The following ZBTB8B variants were observed in gnomAD, a reference collection of about 807,000 sequenced individuals.
The protein encoded by ZBTB8B is zinc finger and BTB domain containing 8B.
In ZBTB8B, 17 loss-of-function variants were observed where a neutral mutation model predicts 30.3. The ratio of observed to expected loss-of-function variants is 0.56; its 90% CI spans 0.38 to 0.84. ZBTB8B has a LOEUF of 0.84. Among genes scored for constraint, ZBTB8B ranks in the 40% least tolerant of loss-of-function variants. The probability of loss-of-function intolerance (pLI) is 0.00; values close to 1 mark genes in which losing one functional copy is unlikely to be tolerated. For synonymous variants in ZBTB8B, 248 were observed against 255.6 expected (o/e 0.97, Z 0.28); for missense variants, 515 against 644.9 (o/e 0.80, Z 2.18).
chr1:32,469,002 A>AAACATACC (rs1643595368), intron 1 of ZBTB8B, among the ~76,000 whole-genome samples: 1 of 152,012 alleles, frequency 6.6e-6, no homozygotes, highest in Non-Finnish European at 1.5e-5. Context: ...CCAGCCTAGG[A>AAACATACC]AACATACCAA....
rs1643800466 is a variant in ZBTB8B at position 32,494,202 on chromosome 1, AAAAAAG to A, written c.*8788_*8793del. The A allele has an allele frequency of 6.6e-6, 1 of 152,520 alleles. No homozygotes were observed. The highest frequency in any genetic ancestry group is 2.4e-5 in the African/African-American group (1 of 41,352). The allele number at this position is 152,520 out of a possible 1,614,324, so 9.4% of individuals were successfully genotyped here. On this transcript the variant is annotated 3_prime_UTR_variant, in exon 4 of 4. Coordinates refer to ENST00000609129, the MANE Select transcript of ZBTB8B (RefSeq NM_001145720.2). ...CCATCTCAAAAAAAAAAAAAAAAAA[AAAAAAG>A]AAATCAGGATACATATAGGACAGAA... is the stretch of plus-strand genomic sequence containing the variant.
At position 32,495,472 on chromosome 1, in the gene ZBTB8B, T is replaced by C. The variant is rs968594941; in HGVS notation, c.*10054T>C. 3.3e-5 allele frequency: 5 copies of C among 152,198 alleles called. No individual in the cohort carries two copies. The highest frequency in any genetic ancestry group is 1.2e-4 in the African/African-American group (5 of 41,532). 9.4% of individuals were successfully genotyped at this position (152,198 alleles called of 1,614,324 possible). On this transcript the variant is annotated 3_prime_UTR_variant, in exon 4 of 4. Coordinates refer to ENST00000609129, the MANE Select transcript of ZBTB8B (RefSeq NM_001145720.2). ...TTGGTTAAATCAACCTGGGAGTAAA[T>C]GGAAATAATCTCAAGCTAAATTTTT...
At chr1:32,467,069 A>G (rs1482285569) in intron 1 of ZBTB8B, among the ~76,000 whole-genome samples, 1 of 152,034 alleles carries the variant, frequency 6.6e-6, no homozygotes, top group Non-Finnish European at 1.5e-5. Context: ...AGGTAGGAGG[A>G]TTGCTTGAGC....
chr1:32,474,377 A>AAAAATTG (rs1643646981), intron 2 of ZBTB8B, among the ~76,000 whole-genome samples: 1 of 137,924 alleles, frequency 7.3e-6, no homozygotes, highest in African/African-American at 2.7e-5. Context: ...AAAAAAAAAA[A>AAAAATTG]AAAAATTGAA....
intron 2 of ZBTB8B, among the ~76,000 whole-genome samples, chr1:32,471,873 T>C (rs1249591415): frequency 6.6e-6 from 1 of 150,974 alleles, no homozygotes. Flanking sequence ...ATCTCCAGTA[T>C]CACCATCATC....
rs1462690459 is a variant in ZBTB8B, at chr1:32,496,123, C to T, written c.*10705C>T. On this transcript the variant is annotated 3_prime_UTR_variant, in exon 4 of 4. Coordinates refer to ENST00000609129, the MANE Select transcript of ZBTB8B (RefSeq NM_001145720.2). ...GAAGCTTCCATCAAACCGTTTTTCCCACTTTTTTGTCCCACGGTCTTAGGA... is the reference window on the plus strand; with the variant it reads ...GAAGCTTCCATCAAACCGTTTTTCCTACTTTTTTGTCCCACGGTCTTAGGA... 1 of 152,128 alleles carries T rather than the reference C, an allele frequency of 6.6e-6. No individual in the cohort carries two copies. The highest frequency in any genetic ancestry group is 1.5e-5 in the Non-Finnish European group (1 of 68,024). The allele number at this position is 152,128 out of a possible 1,614,324, so 9.4% of individuals were successfully genotyped here.
At chr1:32,485,006 C>A (rs1384710485) in intron 3 of ZBTB8B, 95 bp from the exon 4 acceptor site, 9 of 1,216,794 alleles carry the variant, frequency 7.4e-6, no homozygotes, top group South Asian at 1.5e-5. Context: ...AAAAAGGAAT[C>A]GGGAGGATCA....
At position 32,474,343 on chromosome 1, in the gene ZBTB8B, C is replaced by CAAAAAA. The variant is rs57001984; in HGVS notation, c.991+2762_991+2767dup. On this transcript the variant is annotated intron_variant, in intron 2 of 3. Coordinates refer to ENST00000609129, the MANE Select transcript of ZBTB8B (RefSeq NM_001145720.2). ...GCAAGATGGCAAAACCCCATCTCTA[C>CAAAAAA]AAAAAAAAAAAAAAAAAAAAAAAAA... 3.3e-3 allele frequency among the ~76,000 whole-genome samples: 131 copies of CAAAAAA among 39,168 alleles called. 11 individuals carry two copies. Among genetic ancestry groups the CAAAAAA allele is most frequent in the African/African-American group, 3.8e-3 (39 of 10,204 alleles). The allele number at this position is 39,168 out of a possible 152,430, so 25.7% of individuals were successfully genotyped here. A position where few individuals can be genotyped will look rare whatever the true frequency, so the allele number is the denominator to read the frequency against.
intron 2 of ZBTB8B, among the ~76,000 whole-genome samples, chr1:32,476,998 T>C (rs1374641162): frequency 6.6e-6 from 1 of 152,176 alleles, no homozygotes; most frequent in Non-Finnish European, 1.5e-5. Flanking sequence ...TCTTGTCCCT[T>C]CCTTGCCCTC....
intron 2 of ZBTB8B, among the ~76,000 whole-genome samples, chr1:32,478,521 A>T (rs866884900): frequency 1.4e-4 from 22 of 152,280 alleles, no homozygotes; most frequent in Admixed American, 3.9e-4. Context: ...CAGGAAAAAA[A>T]AATAATAATA....
chr1:32,477,225 A>T (rs1482083733), intron 2 of ZBTB8B, among the ~76,000 whole-genome samples: 1 of 152,174 alleles, frequency 6.6e-6, no homozygotes, highest in East Asian at 1.9e-4. Flanking sequence ...ATCACTTTGA[A>T]CTTTGCATGT....
chr1:32,493,039 T>G lies in ZBTB8B; in HGVS notation c.*7621T>G, dbSNP rs1643789883. ...TGCCTTTTCTCAAACATGGTGGCTTTGGTCACTAACAGTGTTTAAATTATG... is the reference window on the plus strand; with the variant it reads ...TGCCTTTTCTCAAACATGGTGGCTTGGGTCACTAACAGTGTTTAAATTATG... On this transcript the variant is annotated 3_prime_UTR_variant, in exon 4 of 4. Transcript: ENST00000609129. 6.6e-6 allele frequency: 1 copy of G among 152,244 alleles called. No homozygotes were observed. Among genetic ancestry groups the G allele is most frequent in the Non-Finnish European group, 1.5e-5 (1 of 68,044 alleles). 9.4% of individuals were successfully genotyped at this position (152,244 alleles called of 1,614,324 possible).
intron 2 of ZBTB8B, among the ~76,000 whole-genome samples, chr1:32,473,765 C>T (rs1351920441): frequency 6.6e-6 from 1 of 152,146 alleles, no homozygotes. Context: ...AAGCAATCCT[C>T]TCACCTCAGC....
At position 32,495,564 on chromosome 1, in the gene ZBTB8B, CA is replaced by C; in HGVS notation, c.*10149del. 1 of 151,368 alleles carries C rather than the reference CA, an allele frequency of 6.6e-6. No individual in the cohort carries two copies. Among genetic ancestry groups the C allele is most frequent in the Middle Eastern group, 3.4e-3 (1 of 294 alleles). 9.4% of individuals were successfully genotyped at this position (151,368 alleles called of 1,614,324 possible). ...AAGTTTAGAATAGGAGTGGCCTCAA[CA>C]AAGGAAAAAGTCCTTTGTTCCTCTG... On this transcript the variant is annotated 3_prime_UTR_variant, in exon 4 of 4. Transcript: ENST00000609129.
chr1:32,468,117 C>T (rs899228716), intron 1 of ZBTB8B, among the ~76,000 whole-genome samples: 8 of 151,754 alleles, frequency 5.3e-5, no homozygotes, highest in Non-Finnish European at 1.2e-4. Flanking sequence ...CCCCATCCCC[C>T]ATCTCAAAAA....
rs984366010 is a variant in ZBTB8B at position 32,496,622 on chromosome 1, T to C, written c.*11204T>C. On this transcript the variant is annotated 3_prime_UTR_variant, in exon 4 of 4. Transcript: ENST00000609129. ...TTGCCCAGGTTGTATTGTTTTGCTG[T>C]TTTTACTTTTTTATATATAAAGAAC... The C allele has an allele frequency of 4.6e-5, 7 of 152,212 alleles. No individual in the cohort carries two copies. The highest frequency in any genetic ancestry group is 1.7e-4 in the African/African-American group (7 of 41,454). 9.4% of individuals were successfully genotyped at this position (152,212 alleles called of 1,614,324 possible).
chr1:32,473,874 A>G (rs1570255449), intron 2 of ZBTB8B, among the ~76,000 whole-genome samples: 1 of 151,660 alleles, frequency 6.6e-6, no homozygotes, highest in Admixed American at 6.6e-5. Flanking sequence ...TTTTTGAGGC[A>G]GAGTCTCACT....
chr1:32,483,244 C>CAAAAAAAAAA lies in ZBTB8B; in HGVS notation c.1171-1835_1171-1826dup, dbSNP rs59559091. Among the ~76,000 whole-genome samples, 386 of 56,288 alleles carry CAAAAAAAAAA rather than the reference C, an allele frequency of 6.9e-3. 62 individuals carry two copies. The highest frequency in any genetic ancestry group is 0.013 in the Middle Eastern group (1 of 78). The allele number at this position is 56,288 out of a possible 152,430, so 36.9% of individuals were successfully genotyped here. On this transcript the variant is annotated intron_variant, in intron 3 of 3. Coordinates refer to ENST00000609129, the MANE Select transcript of ZBTB8B (RefSeq NM_001145720.2). The stretch of plus-strand genomic sequence containing the variant: ...CGAAACCCCTTATCTACTAAAAATC[C>CAAAAAAAAAA]AAAAAAAAAAAAAAAAAAAAAAAAA...
intron 2 of ZBTB8B, among the ~76,000 whole-genome samples, chr1:32,479,089 C>T (rs866048900): frequency 6.6e-6 from 1 of 152,196 alleles, no homozygotes; most frequent in Non-Finnish European, 1.5e-5. Context: ...CAGGGCCACA[C>T]AGCTGATCAG....
Sources: allele counts gnomAD v4.1 joint callset (sites outside exome capture counted in the v4.1 genomes callset), GRCh38; gene constraint gnomAD v4.1.1; transcripts MANE v1.5; gene names NCBI Gene and HGNC (gene_info 2026-07-23, HGNC 2026-07-21).